DOCK4: variants seen among roughly 807,000 people sequenced by gnomAD.
DOCK4 encodes dedicator of cytokinesis 4, also known as dedicator of cytokinesis protein 4.
A neutral mutation model predicts 268.1 loss-of-function variants in DOCK4; 97 were observed. That is an observed-to-expected ratio of 0.36 (90% CI 0.31 to 0.43). The LOEUF is 0.43. DOCK4 is among the 20% of genes least tolerant of loss of function. DOCK4 has a pLI of 1.00. For missense variants in DOCK4, 2,145 were observed against 2,455.7 expected (o/e 0.87, Z 2.67); for synonymous variants, 954 against 887.2 (o/e 1.08, Z -1.34).
At chr7:112,066,824 G>A (rs1807109404) in intron 1 of DOCK4, among the ~76,000 whole-genome samples, 2 of 147,084 alleles carry the variant, frequency 1.4e-5, no homozygotes, top group Non-Finnish European at 1.5e-5. Context: ...ATGACTTCAT[G>A]TCTCTTCTTT....
At chr7:111,927,396 G>T (rs976878530) in intron 12 of DOCK4, among the ~76,000 whole-genome samples, 1 of 152,198 alleles carries the variant, frequency 6.6e-6, no homozygotes, top group Non-Finnish European at 1.5e-5. Flanking sequence ...AGGCATTAAA[G>T]ACATGTGAAA....
intron 20 of DOCK4, among the ~76,000 whole-genome samples, chr7:111,870,542 G>A (rs1230910835): frequency 2.6e-5 from 4 of 151,908 alleles, no homozygotes; most frequent in Non-Finnish European, 5.9e-5. Context: ...GGCTGGTCTT[G>A]AACTCCTGAC....
In DOCK4 at chr7:111,735,361, T is replaced by G. The variant is rs76750209; in HGVS notation, c.5306-194A>C. Among the ~76,000 whole-genome samples, 58 of 152,338 alleles carry G rather than the reference T, an allele frequency of 3.8e-4. 1 individual carries two copies. In the East Asian group the frequency reaches 0.011, roughly 29 times the overall value. On this transcript the variant is annotated intron_variant, in intron 50 of 52. Transcript: ENST00000428084. ...TTATAGTTACCATTTAACTGGGCGC[T>G]AACAAGTCTCTTTATTTCCCTTAAT... is the stretch of plus-strand genomic sequence containing the variant.
rs537663720 is a variant in DOCK4 at position 112,011,114 on chromosome 7, C to A, written c.38-6983G>T. The stretch of plus-strand genomic sequence containing the variant: ...TGGGGCTGCTTCCCAGGGTGGCTTA[C>A]ATCCAGTGAAGGCTGGGCCTTGGCA... On this transcript the variant is annotated intron_variant, in intron 1 of 52. Transcript: ENST00000428084. Among the ~76,000 whole-genome samples, 149 of 152,338 alleles carry A rather than the reference C, an allele frequency of 9.8e-4. 1 individual carries two copies. Among genetic ancestry groups the A allele is most frequent in the Non-Finnish European group, 1.2e-4 (8 of 68,036 alleles).
At chr7:112,107,078 T>A (rs1811200870) in intron 1 of DOCK4, among the ~76,000 whole-genome samples, 1 of 152,226 alleles carries the variant, frequency 6.6e-6, no homozygotes, top group Non-Finnish European at 1.5e-5. Context: ...TCAGAGACTA[T>A]TTATTATGTA....
At chr7:112,065,689 C>T (rs1038721215) in intron 1 of DOCK4, among the ~76,000 whole-genome samples, 2 of 151,766 alleles carry the variant, frequency 1.3e-5, no homozygotes, top group African/African-American at 4.8e-5. Flanking sequence ...TATTCTCATG[C>T]ACAGCTAGAT....
intron 1 of DOCK4, among the ~76,000 whole-genome samples, chr7:112,033,241 C>A (rs1167101683): frequency 6.6e-6 from 1 of 151,994 alleles, no homozygotes; most frequent in African/African-American, 2.4e-5. Context: ...AATGGGCTAA[C>A]AAAAACAAAT....
intron 52 of DOCK4, among the ~76,000 whole-genome samples, chr7:111,730,483 C>T (rs1042987006): frequency 6.6e-6 from 1 of 152,158 alleles, no homozygotes; most frequent in South Asian, 2.1e-4. Flanking sequence ...GATACACATC[C>T]TGTCATTTAG....
chr7:111,878,070 G>A (rs570130331), intron 16 of DOCK4, among the ~76,000 whole-genome samples: 2 of 152,294 alleles, frequency 1.3e-5, no homozygotes, highest in East Asian at 3.9e-4. Flanking sequence ...GGAAACACAA[G>A]AGATAGAGCA....
chr7:112,119,065 T>G (rs1413236758), intron 1 of DOCK4, among the ~76,000 whole-genome samples: 1 of 152,168 alleles, frequency 6.6e-6, no homozygotes, highest in African/African-American at 2.4e-5. Flanking sequence ...TTCCAATCAT[T>G]GTTGGCAGTA....
At chr7:111,964,685 G>A (rs879477458) in intron 8 of DOCK4, among the ~76,000 whole-genome samples, 13,011 of 112,828 alleles carry the variant, frequency 0.12, 717 homozygotes, top group Middle Eastern at 0.18. Context: ...CCAACGTTCA[G>A]ATTCAGGAAA....
chr7:112,153,173 T>C (rs774041289), intron 1 of DOCK4, among the ~76,000 whole-genome samples: 3 of 152,192 alleles, frequency 2.0e-5, no homozygotes, highest in Non-Finnish European at 4.4e-5. Flanking sequence ...ACTACCATGA[T>C]GTACTGACTT....
intron 20 of DOCK4, 136 bp downstream of exon 20, chr7:111,871,854 G>T: frequency 1.8e-6 from 1 of 549,444 alleles, no homozygotes; most frequent in Non-Finnish European, 3.0e-6. Context: ...GCAGGGAAGA[G>T]ACTATCTCAA....
intron 13 of DOCK4, among the ~76,000 whole-genome samples, chr7:111,910,603 T>C (rs1792016765): frequency 6.6e-6 from 1 of 152,236 alleles, no homozygotes; most frequent in Non-Finnish European, 1.5e-5. Context: ...TTCATCTCTT[T>C]TATTCTCACT....
chr7:112,157,659 G>A (rs1470728658), intron 1 of DOCK4, among the ~76,000 whole-genome samples: 1 of 152,166 alleles, frequency 6.6e-6, no homozygotes, highest in Non-Finnish European at 1.5e-5. Context: ...CAGAAACAGA[G>A]GGATATTTCA....
chr7:111,991,961 CAAAAAA>C (rs60667093), intron 5 of DOCK4, among the ~76,000 whole-genome samples: 54 of 50,916 alleles, frequency 1.1e-3, no homozygotes, highest in African/African-American at 3.9e-3. Flanking sequence ...ACTCTGTCTC[CAAAAAA>C]AAAAAAAAAA....
intron 30 of DOCK4, chr7:111,801,687 C>CTT (rs796439376): frequency 1.4e-3 from 190 of 131,232 alleles, no homozygotes; most frequent in Non-Finnish European, 1.8e-3. Flanking sequence ...TTCTTTTTTC[C>CTT]TTTTTTTTTT....
chr7:111,787,856 C>T (rs1446493469), intron 32 of DOCK4, among the ~76,000 whole-genome samples: 2 of 152,216 alleles, frequency 1.3e-5, no homozygotes, highest in Non-Finnish European at 2.9e-5. Context: ...GCAAATTCTT[C>T]TTTCAAAAAG....
chr7:112,178,284 A>G (rs567166800), intron 1 of DOCK4, among the ~76,000 whole-genome samples: 106 of 152,310 alleles, frequency 7.0e-4, no homozygotes, highest in Non-Finnish European at 4.4e-4. Flanking sequence ...AGTGAGGCTT[A>G]CAGTATGCCT....
Sources: allele counts gnomAD v4.1 joint callset (sites outside exome capture counted in the v4.1 genomes callset), GRCh38; gene constraint gnomAD v4.1.1; transcripts MANE v1.5; gene names NCBI Gene and HGNC (gene_info 2026-07-23, HGNC 2026-07-21).